Variants in LRRC27 observed in about 807,000 individuals in gnomAD.
LRRC27 encodes the protein leucine-rich repeat-containing protein 27.
In LRRC27, 57 loss-of-function variants were observed where a neutral mutation model predicts 55.0. That is an observed-to-expected ratio of 1.04 (90% CI 0.84 to 1.29). The LOEUF (loss-of-function observed/expected upper bound fraction) is 1.29. Among genes scored for constraint, LRRC27 ranks in the 50% most tolerant of loss-of-function variants. The pLI is 0.00. For synonymous variants in LRRC27, 278 were observed against 251.9 expected (o/e 1.10, Z -0.98); for missense variants, 721 against 651.5 (o/e 1.11, Z -1.16).
At chr10:132,337,742 A>C (rs1393338614) in intron 3 of LRRC27, 47 bp downstream of exon 3, 4 of 1,600,230 alleles carry the variant, frequency 2.5e-6, no homozygotes, top group Non-Finnish European at 3.4e-6. Flanking sequence ...TTTTCAGTGC[A>C]CGAGTGCCTG....
upstream of LRRC27, among the ~76,000 whole-genome samples, chr10:132,331,172 G>A (rs903968312): frequency 7.5e-6 from 1 of 132,984 alleles, no homozygotes; most frequent in Non-Finnish European, 1.5e-5. Flanking sequence ...CTGCACTCCA[G>A]CCTGGGAGAC....
chr10:132,362,397 A>G (rs540438043), intron 9 of LRRC27, among the ~76,000 whole-genome samples: 9 of 152,066 alleles, frequency 5.9e-5, no homozygotes, highest in Non-Finnish European at 1.3e-4. Flanking sequence ...GGGAGTAGGG[A>G]TGGATGGAGC....
chr10:132,362,303 G>A (rs918827656), intron 9 of LRRC27, among the ~76,000 whole-genome samples: 2 of 152,222 alleles, frequency 1.3e-5, no homozygotes, highest in African/African-American at 4.8e-5. Flanking sequence ...AGGAGAGCAG[G>A]GAGGGATATT....
At chr10:132,356,941 A>G (rs898088177) in intron 8 of LRRC27, among the ~76,000 whole-genome samples, 7 of 152,274 alleles carry the variant, frequency 4.6e-5, no homozygotes, top group Admixed American at 4.6e-4. Flanking sequence ...TTGCCTCTGC[A>G]GCCCCCTTAG....
chr10:132,364,472 TACACCCACCC>T (rs2068868432), intron 9 of LRRC27, among the ~76,000 whole-genome samples: 2 of 62,196 alleles, frequency 3.2e-5, no homozygotes, highest in East Asian at 7.2e-4. Flanking sequence ...CACCCACACT[TACACCCACCC>T]ACACTTACAC....
At chr10:132,352,764 G>A (rs1207021553) in intron 7 of LRRC27, 2 of 1,137,838 alleles carry the variant, frequency 1.8e-6, no homozygotes, top group Non-Finnish European at 2.6e-6. Context: ...AGGCCTCCCT[G>A]TGGGACAGGC....
intron 1 of LRRC27, 144 bp from the exon 2 acceptor site, chr10:132,333,332 TG>T: frequency 4.8e-6 from 2 of 413,424 alleles, no homozygotes; most frequent in Non-Finnish European, 4.3e-6. Context: ...TTTTTTTACA[TG>T]TTTAAAAGTC....
intron 7 of LRRC27, among the ~76,000 whole-genome samples, chr10:132,354,604 G>T (rs577417322): frequency 1.3e-5 from 2 of 152,314 alleles, no homozygotes; most frequent in South Asian, 4.1e-4. Context: ...GGGAGAGGAC[G>T]CAGCCAGGCT....
chr10:132,331,587 G>A, upstream of LRRC27: 2 of 1,612,922 alleles, frequency 1.2e-6, no homozygotes, highest in Non-Finnish European at 1.7e-6. Context: ...GAAGCCCCAG[G>A]AGAGACGCGG....
In LRRC27 at chr10:132,377,625, T is replaced by G. The variant is rs1418650391; in HGVS notation, c.*2383T>G. ...ATCAGTGTTTGCTTCACTTTACCCA[T>G]CCCGATGCTCTTCCTTCCTGCAGCT... On this transcript the variant is annotated 3_prime_UTR_variant, in exon 11 of 11. Coordinates refer to ENST00000368614, the MANE Select transcript of LRRC27 (RefSeq NM_030626.3). 1.3e-5 allele frequency: 2 copies of G among 152,196 alleles called. No individual in the cohort carries two copies. Among genetic ancestry groups the G allele is most frequent in the African/African-American group, 4.8e-5 (2 of 41,426 alleles). The allele number at this position is 152,196 out of a possible 1,614,324, so 9.4% of individuals were successfully genotyped here.
intron 8 of LRRC27, among the ~76,000 whole-genome samples, chr10:132,356,746 G>T (rs1308827375): frequency 6.6e-6 from 1 of 152,284 alleles, no homozygotes; most frequent in Non-Finnish European, 1.5e-5. Context: ...GCACAGAGCT[G>T]CGGGCATGGG....
rs546646655 is a variant in LRRC27, at chr10:132,374,392, G to A, written c.1417-674G>A. ...GGGGGAGGTTGGGACTCTGCAGAGG[G>A]CCTGAGGGGCAGGAACGGGAAGATC... On this transcript the variant is annotated intron_variant, in intron 10 of 10. Coordinates refer to ENST00000368614, the MANE Select transcript of LRRC27 (RefSeq NM_030626.3). The surrounding 1 kb of genome is among the most constrained non-coding windows in gnomAD (Gnocchi z 4.4). Among the ~76,000 whole-genome samples the A allele has an allele frequency of 8.4e-4, 128 of 152,270 alleles. 1 individual carries two copies. Among genetic ancestry groups the A allele is most frequent in the Non-Finnish European group, 5.4e-4 (37 of 67,996 alleles).
At chr10:132,359,805 G>A (rs947110411) in intron 8 of LRRC27, among the ~76,000 whole-genome samples, 6 of 152,238 alleles carry the variant, frequency 3.9e-5, no homozygotes, top group African/African-American at 1.2e-4. Flanking sequence ...CATGACTTGA[G>A]CCCATATTTT....
At chr10:132,330,321 G>A (rs941012898), upstream of LRRC27, 6 of 650,214 alleles carry the variant, frequency 9.2e-6, no homozygotes, top group Non-Finnish European at 1.4e-5. Context: ...TGTGAAAAGA[G>A]ATACTGGAAT....
At chr10:132,331,541 T>G (rs114666623), upstream of LRRC27, 29 of 1,612,752 alleles carry the variant, frequency 1.8e-5, no homozygotes, top group African/African-American at 4.0e-5. Context: ...GAGGCAAGAT[T>G]TGGGGACAAG....
At chr10:132,331,640 A>G, upstream of LRRC27, 1 of 1,612,842 alleles carries the variant, frequency 6.2e-7, no homozygotes, top group Non-Finnish European at 8.5e-7. Flanking sequence ...GGACCGCTCC[A>G]AAGGTGGTGC....
upstream of LRRC27, chr10:132,330,499 A>T (rs1207613829): frequency 1.4e-6 from 1 of 716,874 alleles, no homozygotes; most frequent in African/African-American, 1.7e-5. Context: ...ATTGGTAGAT[A>T]GTTGGGTATG....
chr10:132,352,696 T>C (rs1385172217), intron 7 of LRRC27, among the ~76,000 whole-genome samples: 1 of 148,038 alleles, frequency 6.8e-6, no homozygotes, highest in Non-Finnish European at 1.5e-5. Context: ...GTGGGGCAGG[T>C]GCAGCGCTCG....
intron 9 of LRRC27, among the ~76,000 whole-genome samples, chr10:132,362,123 G>A (rs1162809715): frequency 1.3e-5 from 2 of 152,220 alleles, no homozygotes; most frequent in Non-Finnish European, 2.9e-5. Flanking sequence ...ATGGGGTGGA[G>A]GAAACAGCCA....
Sources: gnomAD v4.1 joint callset for allele counts (sites outside exome capture counted in the v4.1 genomes callset) on GRCh38, gnomAD v4.1.1 for gene constraint, Gnocchi (gnomAD v3.1) non-coding constraint, MANE v1.5 for transcripts, NCBI Gene and HGNC (gene_info 2026-07-23, HGNC 2026-07-21) for gene names.